Variants in TTLL11 observed in about 807,000 individuals in gnomAD.
TTLL11 encodes the protein tubulin polyglutamylase TTLL11.
Under a neutral mutation model 51.7 loss-of-function variants are expected in TTLL11, and 42 were observed. The observed-to-expected ratio is 0.81, with a 90% CI of 0.64 to 1.05. The LOEUF (loss-of-function observed/expected upper bound fraction) is 1.05. Ranked by LOEUF, TTLL11 falls within the 50% of genes least tolerant of loss-of-function variation. TTLL11 has a pLI of 0.00. For missense variants in TTLL11, 799 were observed against 940.4 expected (o/e 0.85, Z 1.97); for synonymous variants, 381 against 383.5 (o/e 0.99, Z 0.08).
chr9:121,847,207 CA>C (rs56213031), intron 8 of TTLL11, among the ~76,000 whole-genome samples: 2,903 of 113,542 alleles, frequency 0.026, 35 homozygotes, highest in African/African-American at 0.082. Flanking sequence ...GACTCCGTCT[CA>C]AAAAAAAAAA....
In TTLL11 at chr9:121,989,083, C is replaced by T. The variant is rs1453505645; in HGVS notation, c.1269+112G>A. ...ACCCAAGCCCACAGCACCACCAACA[C>T]TGTCCCCTCCTCTGGCCATCCCACC... On this transcript the variant is annotated intron_variant, in intron 4 of 8. Transcript: ENST00000321582. This position sits in a 1 kb window ranked among gnomAD's most constrained non-coding sequence, Gnocchi z 4.2. 1 of 1,531,522 alleles carries T rather than the reference C, an allele frequency of 6.5e-7. No individual in the cohort carries two copies. The highest frequency in any genetic ancestry group is 2.1e-5 in the Admixed American group (1 of 48,444). The allele number at this position is 1,531,522 out of a possible 1,614,324, so 94.9% of individuals were successfully genotyped here. A position where few individuals can be genotyped will look rare whatever the true frequency, so the allele number is the denominator to read the frequency against.
At chr9:121,940,145 G>C (rs934349619) in intron 6 of TTLL11, among the ~76,000 whole-genome samples, 1 of 152,248 alleles carries the variant, frequency 6.6e-6, no homozygotes, top group Non-Finnish European at 1.5e-5. Context: ...AGTCTCTCAA[G>C]GCTCAGCTTA....
At chr9:122,082,960 G>A (rs1846037089) in intron 1 of TTLL11, among the ~76,000 whole-genome samples, 1 of 152,194 alleles carries the variant, frequency 6.6e-6, no homozygotes, top group Non-Finnish European at 1.5e-5. Flanking sequence ...TTTGAGCCCA[G>A]GAGGTGGAGG....
At chr9:121,987,834 C>G (rs189055447) in intron 4 of TTLL11, among the ~76,000 whole-genome samples, 1 of 152,132 alleles carries the variant, frequency 6.6e-6, no homozygotes, top group East Asian at 1.9e-4. Flanking sequence ...TCAGTCTTCT[C>G]GTCACCCTCT....
In TTLL11 at chr9:121,940,682, C is replaced by T. The variant is rs567278876; in HGVS notation, c.1481+33327G>A. Reference sequence around the variant, plus strand: ...TATCCTCCTCCTTCACTCACCCACACACAATCATCCACCACAGGAGAGGTA... The same window carrying T: ...TATCCTCCTCCTTCACTCACCCACATACAATCATCCACCACAGGAGAGGTA... On this transcript the variant is annotated intron_variant, in intron 6 of 8. Transcript: ENST00000321582. Among the ~76,000 whole-genome samples, 77 of 152,274 alleles carry T rather than the reference C, an allele frequency of 5.1e-4. 1 individual carries two copies. Among genetic ancestry groups the T allele is most frequent in the African/African-American group, 1.8e-3 (73 of 41,546 alleles).
At chr9:121,871,323 T>C (rs763946028) in intron 6 of TTLL11, among the ~76,000 whole-genome samples, 28 of 152,182 alleles carry the variant, frequency 1.8e-4, no homozygotes, top group Non-Finnish European at 3.4e-4. Flanking sequence ...TCAAGAAAAC[T>C]AGCAGCTAAT....
At position 122,093,271 on chromosome 9, in the gene TTLL11, T is replaced by G. The variant is rs1846322897; in HGVS notation, c.-123A>C. The G allele has an allele frequency of 6.4e-7, 1 of 1,551,276 alleles. No individual in the cohort carries two copies. The highest frequency in any genetic ancestry group is 8.6e-7 in the Non-Finnish European group (1 of 1,159,304). On this transcript the variant is annotated 5_prime_UTR_variant, in exon 1 of 9. Coordinates refer to ENST00000321582, the MANE Select transcript of TTLL11 (RefSeq NM_001139442.2). ...CCACGCGTTCCCCGCCCGAGCCCGT[T>G]GCCATGATCGCTCAGGCTCGGGTTG...
intron 6 of TTLL11, among the ~76,000 whole-genome samples, chr9:121,960,378 T>C (rs767407867): frequency 4.6e-5 from 7 of 152,188 alleles, no homozygotes; most frequent in Non-Finnish European, 8.8e-5. Context: ...TTAGAGCTTT[T>C]ATAAATTTGT....
intron 8 of TTLL11, among the ~76,000 whole-genome samples, chr9:121,858,889 C>G (rs188180735): frequency 2.0e-5 from 3 of 152,216 alleles, no homozygotes; most frequent in Non-Finnish European, 4.4e-5. Context: ...GACTTCATGT[C>G]CTCTCCACAG....
At position 121,834,311 on chromosome 9, in the gene TTLL11, C is replaced by A. The variant is rs1837115265; in HGVS notation, c.1841-11432G>T. 2.6e-5 allele frequency among the ~76,000 whole-genome samples: 4 copies of A among 152,182 alleles called. No homozygotes were observed. The South Asian group carries it at 8.3e-4, about 32-fold the overall frequency. On this transcript the variant is annotated intron_variant, in intron 8 of 8. Transcript: ENST00000321582. ...AGGACTCTACACATGGTAGATCAAA[C>A]CTGGGCATCTCCCAGGGAGAAGGCA...
intron 8 of TTLL11, among the ~76,000 whole-genome samples, chr9:121,858,875 A>T (rs1837911887): frequency 6.6e-6 from 1 of 152,162 alleles, no homozygotes. Context: ...GGATCTCCCA[A>T]CCTGACTTCA....
intron 8 of TTLL11, among the ~76,000 whole-genome samples, chr9:121,839,070 C>T (rs927276029): frequency 2.0e-5 from 3 of 152,266 alleles, no homozygotes; most frequent in African/African-American, 7.2e-5. Flanking sequence ...CCTGGCGAAG[C>T]TTCCATCTCA....
chr9:121,839,626 A>G (rs537084787), intron 8 of TTLL11, among the ~76,000 whole-genome samples: 1 of 152,338 alleles, frequency 6.6e-6, no homozygotes, highest in South Asian at 2.1e-4. Flanking sequence ...GAGTATTCTC[A>G]TGGAGGGCTG....
chr9:121,905,676 T>C (rs1479335257), intron 6 of TTLL11, among the ~76,000 whole-genome samples: 3 of 152,146 alleles, frequency 2.0e-5, no homozygotes, highest in Non-Finnish European at 4.4e-5. Context: ...TTATAAGCAT[T>C]TTTGCCATAT....
At chr9:122,086,319 T>C (rs569877893) in intron 1 of TTLL11, among the ~76,000 whole-genome samples, 2 of 152,370 alleles carry the variant, frequency 1.3e-5, no homozygotes, top group East Asian at 1.9e-4. Flanking sequence ...GTGATTTTTA[T>C]GTTATGACAA....
At chr9:121,948,059 T>TA (rs1430072691) in intron 6 of TTLL11, among the ~76,000 whole-genome samples, 11 of 152,372 alleles carry the variant, frequency 7.2e-5, no homozygotes, top group Admixed American at 2.0e-4. Context: ...AATTGACACT[T>TA]ACTGAATAAC....
intron 4 of TTLL11, among the ~76,000 whole-genome samples, chr9:121,983,852 T>C (rs10985475): frequency 0.12 from 17,633 of 152,060 alleles, 1,320 homozygotes; most frequent in East Asian, 0.21. Flanking sequence ...CATAACCACA[T>C]GCCCATACTA....
In TTLL11 at chr9:122,043,064, A is replaced by G. The variant is rs1453982921; in HGVS notation, c.463-3696T>C. Among the ~76,000 whole-genome samples, 5 of 152,174 alleles carry G rather than the reference A, an allele frequency of 3.3e-5. No individual in the cohort carries two copies. The South Asian group carries it at 8.3e-4, about 25-fold the overall frequency. On this transcript the variant is annotated intron_variant, in intron 1 of 8. Coordinates refer to ENST00000321582, the MANE Select transcript of TTLL11 (RefSeq NM_001139442.2). ...ACCCATAGAATAGCACCAAGAGTGAAGAGTAATGTAAACTATGGACTTTGG... is the reference window on the plus strand; with the variant it reads ...ACCCATAGAATAGCACCAAGAGTGAGGAGTAATGTAAACTATGGACTTTGG...
chr9:121,930,559 C>G (rs148187971), intron 6 of TTLL11, among the ~76,000 whole-genome samples: 1 of 152,222 alleles, frequency 6.6e-6, no homozygotes, highest in Non-Finnish European at 1.5e-5. Context: ...TGAGAATGCT[C>G]GTCCTCCCAG....
Sources: gnomAD v4.1 joint callset for allele counts (sites outside exome capture counted in the v4.1 genomes callset) on GRCh38, gnomAD v4.1.1 for gene constraint, Gnocchi (gnomAD v3.1) non-coding constraint, MANE v1.5 for transcripts, NCBI Gene and HGNC (gene_info 2026-07-23, HGNC 2026-07-21) for gene names.